Variants in RHOBTB1 observed in about 807,000 individuals in gnomAD.
RHOBTB1 encodes the protein Rho related BTB domain containing 1.
A neutral mutation model predicts 71.6 loss-of-function variants in RHOBTB1; 40 were observed. The observed-to-expected ratio is 0.56, with a 90% confidence interval of 0.43 to 0.73. RHOBTB1 has a LOEUF of 0.73. RHOBTB1 is among the 30% of genes least tolerant of loss of function. RHOBTB1 has a pLI of 0.00. For missense variants in RHOBTB1, 797 were observed against 894.0 expected, an observed-to-expected ratio of 0.89 and a Z score of 1.38; for synonymous variants, 319 against 334.9, an observed-to-expected ratio of 0.95 and a Z score of 0.52.
At chr10:60,998,691 G>A (rs952770162) in intron 1 of RHOBTB1, among the ~76,000 whole-genome samples, 1 of 152,292 alleles carries the variant, frequency 6.6e-6, no homozygotes, top group East Asian at 1.9e-4. Context: ...TATGTGCTTG[G>A]CATCCAAAAT....
At chr10:60,902,992 G>A (rs1024795948) in intron 4 of RHOBTB1, among the ~76,000 whole-genome samples, 3 of 152,152 alleles carry the variant, frequency 2.0e-5, no homozygotes. Context: ...GGGAATGGGA[G>A]AAAATTAAGG....
Position 60,893,003 on chromosome 10 carries a change from G to A in RHOBTB1, c.297-8C>T. 2 of 1,604,454 alleles carry A rather than the reference G, an allele frequency of 1.2e-6. No individual in the cohort carries two copies. The highest frequency in any genetic ancestry group is 1.7e-6 in the Non-Finnish European group (2 of 1,176,138). ...AGGACCACAACATCAGACCTAAAAG[G>A]AAATCATAAAAGAAGCTTGTATTGC... On this transcript the variant is annotated splice_polypyrimidine_tract_variant and splice_region_variant and intron_variant, in intron 4 of 10. Coordinates refer to ENST00000337910, the MANE Select transcript of RHOBTB1 (RefSeq NM_014836.5).
chr10:60,862,290 T>A, the RHOBTB1 span, among the ~76,000 whole-genome samples: 1 of 152,022 alleles, frequency 6.6e-6, no homozygotes, highest in Non-Finnish European at 1.5e-5. Context: ...TTTTACCACC[T>A]GGATACAAGT....
At chr10:60,991,122 T>C (rs2086848479) in intron 1 of RHOBTB1, among the ~76,000 whole-genome samples, 1 of 152,200 alleles carries the variant, frequency 6.6e-6, no homozygotes. Context: ...AGGGTATCAC[T>C]ATCTCTCTAC....
chr10:60,992,925 G>T (rs1273428826), intron 1 of RHOBTB1, among the ~76,000 whole-genome samples: 1 of 152,104 alleles, frequency 6.6e-6, no homozygotes, highest in Non-Finnish European at 1.5e-5. Flanking sequence ...TATTGTATTT[G>T]CTCTCTCAAA....
chr10:60,910,013 A>G (rs1408936781), intron 4 of RHOBTB1, among the ~76,000 whole-genome samples: 3 of 152,220 alleles, frequency 2.0e-5, no homozygotes, highest in African/African-American at 7.2e-5. Flanking sequence ...CCAAGGAGTA[A>G]TTCACGTGCT....
intron 8 of RHOBTB1, among the ~76,000 whole-genome samples, chr10:60,877,607 T>C (rs2081107032): frequency 6.6e-6 from 1 of 152,198 alleles, no homozygotes; most frequent in Non-Finnish European, 1.5e-5. Context: ...TTTCAAACTC[T>C]GGGGTGCACA....
At chr10:60,894,779 T>C (rs1054641481) in intron 4 of RHOBTB1, among the ~76,000 whole-genome samples, 2 of 152,248 alleles carry the variant, frequency 1.3e-5, no homozygotes, top group Admixed American at 6.5e-5. Flanking sequence ...CCTAAATGTG[T>C]TATAATATGT....
At chr10:60,867,061 A>G (rs2080638162), downstream of RHOBTB1, among the ~76,000 whole-genome samples, 1 of 152,136 alleles carries the variant, frequency 6.6e-6, no homozygotes, top group Non-Finnish European at 1.5e-5. Context: ...TGTCCAAGGT[A>G]CTTGGCATAT....
chr10:60,918,449 C>A (rs2083384214), intron 2 of RHOBTB1, among the ~76,000 whole-genome samples: 1 of 152,178 alleles, frequency 6.6e-6, no homozygotes, highest in African/African-American at 2.4e-5. Flanking sequence ...ACCTAGAAGA[C>A]CTCTGGAGTT....
upstream of RHOBTB1, among the ~76,000 whole-genome samples, chr10:61,001,628 C>G (rs1159542202): frequency 1.3e-5 from 2 of 152,016 alleles, no homozygotes; most frequent in African/African-American, 4.8e-5. Flanking sequence ...CCACGGGTCC[C>G]TCCACATCCT....
intron 2 of RHOBTB1, among the ~76,000 whole-genome samples, chr10:60,921,735 T>A (rs1198259988): frequency 1.3e-5 from 2 of 152,254 alleles, no homozygotes; most frequent in East Asian, 3.8e-4. Context: ...TGCATGCAGC[T>A]ATCTCTGGTG....
In RHOBTB1 at chr10:60,888,807, G is replaced by A. The variant is rs761473210; in HGVS notation, c.861C>T (p.Thr287=). 6.2e-7 allele frequency: 1 copy of A among 1,614,190 alleles called. No homozygotes were observed. ...ACAGATCATAAAATTTGGAAGAAGA[G>A]GTAGCGAGGTAAATTCGATGTGCAA... ...HIFAHRIYLA[T]SSSKFYDLFL... The change falls in exon 6 of 11, where the codon ACC becomes ACT. Residue 287 remains threonine, a synonymous_variant. Transcript: ENST00000337910.
At chr10:60,894,784 A>G (rs769800796) in intron 4 of RHOBTB1, among the ~76,000 whole-genome samples, 1 of 152,260 alleles carries the variant, frequency 6.6e-6, no homozygotes, top group Non-Finnish European at 1.5e-5. Context: ...ATGTGTTATA[A>G]TATGTATAAA....
chr10:60,966,304 GAAA>G (rs143857492), intron 2 of RHOBTB1, among the ~76,000 whole-genome samples: 1 of 137,954 alleles, frequency 7.2e-6, no homozygotes. Context: ...GATTATATTC[GAAA>G]AAAAAAAAAG....
At chr10:60,986,242 G>A (rs979950954) in intron 1 of RHOBTB1, among the ~76,000 whole-genome samples, 11 of 151,860 alleles carry the variant, frequency 7.2e-5, no homozygotes, top group African/African-American at 2.7e-4. Flanking sequence ...CCAGGTGGAA[G>A]TAATAATACC....
chr10:60,918,327 C>A (rs1011663869), intron 2 of RHOBTB1, among the ~76,000 whole-genome samples: 3 of 152,100 alleles, frequency 2.0e-5, no homozygotes, highest in African/African-American at 7.2e-5. Context: ...TTGGTGGTAC[C>A]CCAACCCAAC....
intron 1 of RHOBTB1, among the ~76,000 whole-genome samples, chr10:60,998,547 G>A (rs139320380): frequency 6.6e-6 from 1 of 152,260 alleles, no homozygotes; most frequent in East Asian, 1.9e-4. Context: ...GAACAGAAAG[G>A]TGTTCAGAAG....
chr10:60,976,438 C>T (rs527631223), intron 2 of RHOBTB1, among the ~76,000 whole-genome samples: 23 of 152,046 alleles, frequency 1.5e-4, no homozygotes, highest in African/African-American at 5.5e-4. Context: ...TGCCCACTCA[C>T]AGGTCAAGTG....
Sources: gnomAD v4.1 joint callset for allele counts (sites outside exome capture counted in the v4.1 genomes callset) on GRCh38, gnomAD v4.1.1 for gene constraint, MANE v1.5 for transcripts, NCBI Gene and HGNC (gene_info 2026-07-23, HGNC 2026-07-21) for gene names.